Variants in GTF3C3 observed in about 807,000 individuals in gnomAD.
GTF3C3 encodes general transcription factor IIIC subunit 3.
In GTF3C3, 75 loss-of-function variants were observed where a neutral mutation model predicts 105.2. The observed-to-expected ratio is 0.71, with a 90% confidence interval of 0.59 to 0.86. The LOEUF (loss-of-function observed/expected upper bound fraction) is 0.86, where lower values mean the gene tolerates loss of function less well. GTF3C3 is among the 40% of genes least tolerant of loss of function. The probability of loss-of-function intolerance (pLI) is 0.00; values close to 1 mark genes in which losing one functional copy is unlikely to be tolerated. For missense variants in GTF3C3, 856 were observed against 1,076.5 expected, an observed-to-expected ratio of 0.80 and a Z score of 2.87; for synonymous variants, 335 against 370.4, an observed-to-expected ratio of 0.90 and a Z score of 1.10.
chr2:196,784,315 G>A (rs1358604510), intron 8 of GTF3C3, among the ~76,000 whole-genome samples: 1 of 152,004 alleles, frequency 6.6e-6, no homozygotes, highest in Non-Finnish European at 1.5e-5. Flanking sequence ...CTTGATGTAG[G>A]GTCTTGAATG....
Position 196,799,666 on chromosome 2 carries a change from C to A in GTF3C3, c.-55G>T, listed in dbSNP as rs1699713560. On this transcript the variant is annotated 5_prime_UTR_variant, in exon 1 of 18. Coordinates refer to ENST00000263956, the MANE Select transcript of GTF3C3 (RefSeq NM_012086.5). ...GAACCGGGACAGAGAACCGGAAGAG[C>A]AGCGCCTTCCAGAAGCTACCTCGCC... The A allele has an allele frequency of 7.9e-7, 1 of 1,273,736 alleles. No individual in the cohort carries two copies. The highest frequency in any genetic ancestry group is 1.1e-6 in the Non-Finnish European group (1 of 873,814). 78.9% of individuals were successfully genotyped at this position (1,273,736 alleles called of 1,614,324 possible).
At chr2:196,799,215 TCTCCCCAC>T in intron 1 of GTF3C3, 3 of 299,636 alleles carry the variant, frequency 1.0e-5, no homozygotes, top group Non-Finnish European at 1.9e-5. Context: ...TCCAAACTCT[TCTCCCCAC>T]CTCCCATTTA....
In GTF3C3 at chr2:196,799,497, A is replaced by G. The variant is rs1334452646; in HGVS notation, c.102+13T>C. 6.2e-7 allele frequency: 1 copy of G among 1,602,888 alleles called. No homozygotes were observed. The highest frequency in any genetic ancestry group is 1.7e-5 in the Admixed American group (1 of 60,010). ...ACAAGAGTGAAGGGCACCGTGGCCT[A>G]GCATCGCCTCACTTTCTTCTCGCGG... On this transcript the variant is annotated intron_variant, in intron 1 of 17. Coordinates refer to ENST00000263956, the MANE Select transcript of GTF3C3 (RefSeq NM_012086.5).
chr2:196,798,568 C>T (rs1699689314), intron 1 of GTF3C3, among the ~76,000 whole-genome samples: 2 of 151,702 alleles, frequency 1.3e-5, no homozygotes, highest in Admixed American at 6.6e-5. Context: ...GTCCCTACTA[C>T]TCGCATGAAT....
intron 9 of GTF3C3, 152 bp downstream of exon 9, chr2:196,780,407 A>G: frequency 7.7e-7 from 1 of 1,293,802 alleles, no homozygotes; most frequent in Non-Finnish European, 9.9e-7. Flanking sequence ...TTTTTATAAG[A>G]TATTCATACA....
intron 8 of GTF3C3, among the ~76,000 whole-genome samples, chr2:196,781,896 C>T (rs1699372396): frequency 1.3e-5 from 2 of 152,196 alleles, no homozygotes; most frequent in Admixed American, 6.5e-5. Flanking sequence ...CTTCTGTAGA[C>T]AGTAGCTAAA....
rs1357818751 is a variant in GTF3C3 at position 196,797,785 on chromosome 2, A to AT, written c.214+11dup. 2 of 1,413,264 alleles carry AT rather than the reference A, an allele frequency of 1.4e-6. No individual in the cohort carries two copies. The highest frequency in any genetic ancestry group is 2.0e-6 in the Non-Finnish European group (2 of 997,092). 87.5% of individuals were successfully genotyped at this position (1,413,264 alleles called of 1,614,324 possible). On this transcript the variant is annotated intron_variant, in intron 2 of 17. Transcript: ENST00000263956. Reference sequence around the variant, plus strand: ...AAACATTCATTGCAGGAAGCACATAATTTTAACATACCTTCATTGACATCT... The same window carrying AT: ...AAACATTCATTGCAGGAAGCACATAATTTTTAACATACCTTCATTGACATCT...
At chr2:196,766,381 T>C (rs992544705) in intron 17 of GTF3C3, among the ~76,000 whole-genome samples, 184 bp downstream of exon 17, 3 of 152,224 alleles carry the variant, frequency 2.0e-5, no homozygotes, top group African/African-American at 7.2e-5. Context: ...ATATGGTTGC[T>C]GGTCAAGTCA....
intron 2 of GTF3C3, among the ~76,000 whole-genome samples, chr2:196,794,901 G>A (rs1699614155): frequency 6.6e-6 from 1 of 151,048 alleles, no homozygotes; most frequent in South Asian, 2.1e-4. Flanking sequence ...GCTAATTTTT[G>A]TATTTTTAGT....
chr2:196,776,630 C>T lies in GTF3C3; in HGVS notation c.1391-1G>A. The T allele has an allele frequency of 6.2e-7, 1 of 1,600,614 alleles. No homozygotes were observed. The highest frequency in any genetic ancestry group is 8.6e-7 in the Non-Finnish European group (1 of 1,169,268). ...ATATAGCCTAAGGCCTTTAAACATT[C>T]TAAGATGATGTTAAAATAAAGCAAA... On this transcript the variant is annotated splice_acceptor_variant, in intron 10 of 17. Transcript: ENST00000263956. LOFTEE classifies it high-confidence loss of function. The surrounding 1 kb of genome is among the most constrained non-coding windows in gnomAD (Gnocchi z 4.5).
chr2:196,792,738 C>T (rs192572287), intron 3 of GTF3C3, among the ~76,000 whole-genome samples: 12 of 152,232 alleles, frequency 7.9e-5, no homozygotes, highest in Non-Finnish European at 1.6e-4. Flanking sequence ...CCTCAGCCTC[C>T]GGAGCAGCTG....
chr2:196,772,879 T>G (rs1699199011), intron 14 of GTF3C3, 37 bp downstream of exon 14: 5 of 1,046,896 alleles, frequency 4.8e-6, no homozygotes, highest in Non-Finnish European at 7.1e-6. Flanking sequence ...CTTACTCTAT[T>G]AAAGAATCTA....
intron 7 of GTF3C3, 45 bp downstream of exon 7, chr2:196,785,390 AACACAG>A: frequency 7.0e-7 from 1 of 1,422,356 alleles, no homozygotes. Flanking sequence ...GAATTTCCAG[AACACAG>A]AAACACATGC....
Position 196,786,530 on chromosome 2 carries a change from AT to A in GTF3C3, c.894-943del, listed in dbSNP as rs1699454132. On this transcript the variant is annotated intron_variant, in intron 6 of 17. Transcript: ENST00000263956. The surrounding 1 kb of genome is among the most constrained non-coding windows in gnomAD (Gnocchi z 4.2). ...CCTTCCCCTTTATCAAGGATAAATA[AT>A]TGTATACATGAAAATAACCCCTAGT... is the stretch of plus-strand genomic sequence containing the variant. 6.6e-6 allele frequency among the ~76,000 whole-genome samples: 1 copy of A among 152,084 alleles called. No homozygotes were observed. Among genetic ancestry groups the A allele is most frequent in the Non-Finnish European group, 1.5e-5 (1 of 68,012 alleles).
chr2:196,765,303 C>T (rs890691148), intron 17 of GTF3C3, among the ~76,000 whole-genome samples: 1 of 151,838 alleles, frequency 6.6e-6, no homozygotes, highest in Non-Finnish European at 1.5e-5. Flanking sequence ...AATACAAAAA[C>T]TTTGGGTCAA....
At chr2:196,788,707 C>A (rs530867405) in intron 6 of GTF3C3, among the ~76,000 whole-genome samples, 1 of 152,124 alleles carries the variant, frequency 6.6e-6, no homozygotes, top group Non-Finnish European at 1.5e-5. Flanking sequence ...ACCTTATATA[C>A]ACAATTTTCT....
Position 196,776,071 on chromosome 2 carries a change from G to A in GTF3C3, c.1634C>T (p.Ser545Leu). Residue 545 changes from serine (S) to leucine (L), a missense_variant, in exon 12 of 18, where the codon TCA becomes TTA. This residue lies in a region of GTF3C3 where 605 missense variants were observed against 833.6 expected (regional missense o/e 0.73). Coordinates refer to ENST00000263956, the MANE Select transcript of GTF3C3 (RefSeq NM_012086.5). This position sits in a 1 kb window ranked among gnomAD's most constrained non-coding sequence, Gnocchi z 4.5. Reference protein sequence around the residue: ...LLLHRSTLLFSQGKMYGYVDT... With the variant: ...LLLHRSTLLFLQGKMYGYVDT... ...CACATAACCATACATTTTGCCTTGT[G>A]AAAACAACAGAGTAGAACGATGAAG... 6.3e-7 allele frequency: 1 copy of A among 1,599,420 alleles called. No individual in the cohort carries two copies. The highest frequency in any genetic ancestry group is 8.5e-7 in the Non-Finnish European group (1 of 1,171,270).
At chr2:196,773,824 T>C in intron 13 of GTF3C3, 1 of 217,410 alleles carries the variant, frequency 4.6e-6, no homozygotes, top group South Asian at 6.0e-5. Flanking sequence ...ACAATAGGGT[T>C]TGCACTCCTA....
At chr2:196,792,847 G>C in intron 3 of GTF3C3, 109 bp downstream of exon 3, 4 of 701,318 alleles carry the variant, frequency 5.7e-6, no homozygotes, top group Non-Finnish European at 1.0e-5. Context: ...TTGTGTCATA[G>C]TATTTCCTTT....
Sources: allele counts gnomAD v4.1 joint callset (sites outside exome capture counted in the v4.1 genomes callset), GRCh38; gene constraint gnomAD v4.1.1; regional missense constraint gnomAD v4.1.1; non-coding constraint Gnocchi (gnomAD v3.1); transcripts MANE v1.5; gene names NCBI Gene and HGNC (gene_info 2026-07-23, HGNC 2026-07-21).